HNRNPD: variants seen among roughly 807,000 people sequenced by gnomAD.
HNRNPD encodes the protein heterogeneous nuclear ribonucleoprotein D, also known as heterogeneous nuclear ribonucleoprotein D0.
A neutral mutation model predicts 47.9 loss-of-function variants in HNRNPD; 3 were observed. The observed-to-expected ratio is 0.06, with a 90% CI of 0.03 to 0.16. The LOEUF is 0.16. Ranked by LOEUF, HNRNPD falls within the 10% of genes least tolerant of loss-of-function variation. HNRNPD has a pLI of 1.00. For missense variants in HNRNPD, 287 were observed against 454.2 expected, an observed-to-expected ratio of 0.63 and a Z score of 3.35; for synonymous variants, 171 against 165.1, an observed-to-expected ratio of 1.04 and a Z score of -0.28.
Position 82,373,789 on chromosome 4 carries a change from A to G in HNRNPD, c.-111T>C, listed in dbSNP as rs1720278023. 2.6e-6 allele frequency: 4 copies of G among 1,522,900 alleles called. No homozygotes were observed. The Admixed American group carries it at 6.0e-5, about 23-fold the overall frequency. 94.3% of individuals were successfully genotyped at this position (1,522,900 alleles called of 1,614,324 possible). Reference sequence around the variant, plus strand: ...GCCGCGCGCCCGCTCTACCTCGCGAAGCACACAAGACAGGGAAGGCGCGCG... The same window carrying G: ...GCCGCGCGCCCGCTCTACCTCGCGAGGCACACAAGACAGGGAAGGCGCGCG... On this transcript the variant is annotated 5_prime_UTR_variant, in exon 1 of 9. Transcript: ENST00000313899.
chr4:82,366,657 C>T (rs545653298), intron 2 of HNRNPD, among the ~76,000 whole-genome samples: 9 of 152,252 alleles, frequency 5.9e-5, no homozygotes, highest in East Asian at 5.8e-4. Flanking sequence ...ACCTCCGCCT[C>T]CAGGGTTCAA....
Position 82,352,511 on chromosome 4 carries a change from A to T in HNRNPD, c.*1674T>A, listed in dbSNP as rs561791167. The T allele has an allele frequency of 6.6e-6, 1 of 152,270 alleles. No homozygotes were observed. Among genetic ancestry groups the T allele is most frequent in the African/African-American group, 2.4e-5 (1 of 41,558 alleles). 9.4% of individuals were successfully genotyped at this position (152,270 alleles called of 1,614,324 possible). A position where few individuals can be genotyped will look rare whatever the true frequency, so the allele number is the denominator to read the frequency against. On this transcript the variant is annotated 3_prime_UTR_variant, in exon 9 of 9. Transcript: ENST00000313899. The stretch of plus-strand genomic sequence containing the variant: ...AGGGAGACCCTGTCTCTTAAAAATA[A>T]TTTTTTATTGAGAGATTTACATAAA...
chr4:82,366,874 C>CT (rs140901601), intron 2 of HNRNPD, among the ~76,000 whole-genome samples: 12,177 of 152,104 alleles, frequency 0.08, 621 homozygotes, highest in Middle Eastern at 0.12. Context: ...AAATAAAACA[C>CT]TTTAAGAGAC....
intron 2 of HNRNPD, among the ~76,000 whole-genome samples, chr4:82,361,720 G>A (rs1019662031): frequency 6.6e-6 from 1 of 152,134 alleles, no homozygotes; most frequent in Admixed American, 6.6e-5. Flanking sequence ...CCAAGAATGA[G>A]GTATGTGGTA....
At chr4:82,354,984 C>T (rs1723654028) in intron 8 of HNRNPD, 1 of 325,380 alleles carries the variant, frequency 3.1e-6, no homozygotes, top group South Asian at 3.2e-5. Flanking sequence ...CGACACAGGG[C>T]CTGCAATGAA....
intron 1 of HNRNPD, among the ~76,000 whole-genome samples, chr4:82,372,116 C>CCACCAA (rs1720075187): frequency 6.6e-6 from 1 of 151,980 alleles, no homozygotes; most frequent in African/African-American, 2.4e-5. Flanking sequence ...CTTGTTATAT[C>CCACCAA]CACCAACACC....
At chr4:82,369,574 A>ACTCT (rs955152678) in intron 2 of HNRNPD, among the ~76,000 whole-genome samples, 2 of 91,476 alleles carry the variant, frequency 2.2e-5, no homozygotes, top group African/African-American at 5.8e-5. Context: ...CAATTTGGAT[A>ACTCT]CTCTATTAAC....
chr4:82,371,402 A>T, intron 2 of HNRNPD, 126 bp downstream of exon 2: 1 of 672,484 alleles, frequency 1.5e-6, no homozygotes, highest in East Asian at 2.8e-5. Context: ...CCCAGGTACA[A>T]ACCTACTGTA....
rs1396075913 is a variant in HNRNPD at position 82,373,381 on chromosome 4, C to A, written c.233+65G>T. ...TGAGAGCGGGAACCAGGCCTAATGG[C>A]GGGGGAATAAAGAGGGGGAGGGGGA... On this transcript the variant is annotated intron_variant, in intron 1 of 8. Coordinates refer to ENST00000313899, the MANE Select transcript of HNRNPD (RefSeq NM_031370.3). The A allele has an allele frequency of 5.7e-6, 8 of 1,398,156 alleles. No homozygotes were observed. In the African/African-American group the frequency reaches 1.3e-4, roughly 22 times the overall value. 86.6% of individuals were successfully genotyped at this position (1,398,156 alleles called of 1,614,324 possible).
intron 2 of HNRNPD, among the ~76,000 whole-genome samples, chr4:82,360,224 A>T (rs1167605250): frequency 1.3e-5 from 2 of 152,156 alleles, no homozygotes; most frequent in Non-Finnish European, 2.9e-5. Flanking sequence ...AAAATTATCC[A>T]TTGAAGTACA....
At chr4:82,364,014 T>C (rs1285430609) in intron 2 of HNRNPD, among the ~76,000 whole-genome samples, 1 of 152,188 alleles carries the variant, frequency 6.6e-6, no homozygotes, top group East Asian at 1.9e-4. Flanking sequence ...TCTCACTCTG[T>C]CTCCCAGGCT....
intron 2 of HNRNPD, among the ~76,000 whole-genome samples, chr4:82,368,670 G>A (rs978965002): frequency 4.6e-5 from 7 of 152,138 alleles, no homozygotes; most frequent in African/African-American, 7.2e-5. Flanking sequence ...ACCAATCTAC[G>A]CAGGGTCTCA....
chr4:82,357,079 G>C (rs950390863), intron 5 of HNRNPD, among the ~76,000 whole-genome samples, 184 bp from the exon 6 acceptor site: 1 of 152,168 alleles, frequency 6.6e-6, no homozygotes, highest in Non-Finnish European at 1.5e-5. Context: ...GTACTTGCTA[G>C]TGATGTTACT....
At chr4:82,362,836 G>C (rs1323557529) in intron 2 of HNRNPD, among the ~76,000 whole-genome samples, 1 of 152,088 alleles carries the variant, frequency 6.6e-6, no homozygotes, top group Non-Finnish European at 1.5e-5. Context: ...CTGGCCTCAA[G>C]TGATCCGCCC....
chr4:82,356,900 A>G lies in HNRNPD; in HGVS notation c.754-5T>C. On this transcript the variant is annotated splice_polypyrimidine_tract_variant and splice_region_variant and intron_variant, in intron 5 of 8. Transcript: ENST00000313899. ...CATGGCTACTTTTATTTCACACTAAAAGAGAAAAATTACATTATTAAACTG... is the reference window on the plus strand; with the variant it reads ...CATGGCTACTTTTATTTCACACTAAGAGAGAAAAATTACATTATTAAACTG... The G allele has an allele frequency of 6.2e-7, 1 of 1,607,916 alleles. No individual in the cohort carries two copies. The highest frequency in any genetic ancestry group is 1.3e-5 in the African/African-American group (1 of 74,862).
In HNRNPD at chr4:82,373,879, C is replaced by G. The variant is rs1720285117; in HGVS notation, c.-201G>C. 2.5e-6 allele frequency: 3 copies of G among 1,204,972 alleles called. No homozygotes were observed. Among genetic ancestry groups the G allele is most frequent in the African/African-American group, 1.6e-5 (1 of 62,310 alleles). The allele number at this position is 1,204,972 out of a possible 1,614,324, so 74.6% of individuals were successfully genotyped here. On this transcript the variant is annotated 5_prime_UTR_variant, in exon 1 of 9. Transcript: ENST00000313899. ...CCCTTCGCCTCCCACTCTCGCGCGG[C>G]GCACACTCCCGCTCTCTCCCGCTGC...
intron 7 of HNRNPD, 103 bp downstream of exon 7, chr4:82,356,428 AAACCTG>A (rs1464758425): frequency 4.7e-6 from 4 of 851,168 alleles, no homozygotes; most frequent in African/African-American, 3.4e-5. Flanking sequence ...CAGGAATTTG[AAACCTG>A]AAGACATTTG....
intron 4 of HNRNPD, chr4:82,357,883 G>A (rs1375270317): frequency 6.5e-6 from 1 of 153,070 alleles, no homozygotes; most frequent in Non-Finnish European, 1.5e-5. Context: ...CGTACAGGAG[G>A]GCAGCGTCAG....
intron 2 of HNRNPD, among the ~76,000 whole-genome samples, chr4:82,363,014 T>C (rs1719553619): frequency 6.7e-6 from 1 of 149,320 alleles, no homozygotes; most frequent in Admixed American, 6.6e-5. Flanking sequence ...ACTGATGGCA[T>C]AATGATTTTA....
Sources: gnomAD v4.1 joint callset for allele counts (sites outside exome capture counted in the v4.1 genomes callset) on GRCh38, gnomAD v4.1.1 for gene constraint, MANE v1.5 for transcripts, NCBI Gene and HGNC (gene_info 2026-07-23, HGNC 2026-07-21) for gene names.